Variants in SEMA6D observed in about 807,000 individuals in gnomAD.
SEMA6D encodes the protein semaphorin 6D.
In SEMA6D, 35 loss-of-function variants were observed where a neutral mutation model predicts 106.6. The observed-to-expected ratio is 0.33, with a 90% CI of 0.25 to 0.44. The LOEUF is 0.44. SEMA6D is among the 20% of genes least tolerant of loss of function. The pLI is 1.00. For synonymous variants in SEMA6D, 499 were observed against 487.7 expected, an observed-to-expected ratio of 1.02 and a Z score of -0.31; for missense variants, 1,185 against 1,345.9, an observed-to-expected ratio of 0.88 and a Z score of 1.87.
intron 1 of SEMA6D, among the ~76,000 whole-genome samples, chr15:47,756,487 A>C (rs934308176): frequency 6.6e-6 from 1 of 152,206 alleles, no homozygotes; most frequent in African/African-American, 2.4e-5. Flanking sequence ...GAGCCTATGA[A>C]GTAATAAAGA....
At chr15:47,624,924 G>A (rs2077174401) in intron 4 of SEMA6D, among the ~76,000 whole-genome samples, 2 of 152,088 alleles carry the variant, frequency 1.3e-5, no homozygotes, top group African/African-American at 4.8e-5. Flanking sequence ...ACTGGAGAAG[G>A]GAATTATTGT....
chr15:47,343,766 A>C (rs1266465162), intron 1 of SEMA6D, among the ~76,000 whole-genome samples: 1 of 152,184 alleles, frequency 6.6e-6, no homozygotes, highest in East Asian at 1.9e-4. Flanking sequence ...CTTTGGGTAT[A>C]TACCCAGTAA....
At chr15:47,200,556 T>C (rs949217840) in intron 1 of SEMA6D, among the ~76,000 whole-genome samples, 1 of 152,208 alleles carries the variant, frequency 6.6e-6, no homozygotes, top group Non-Finnish European at 1.5e-5. Context: ...TATTACTGTT[T>C]TATTCTAGTG....
chr15:47,256,461 AG>A, intron 1 of SEMA6D, among the ~76,000 whole-genome samples: 1 of 152,334 alleles, frequency 6.6e-6, no homozygotes, highest in South Asian at 2.1e-4. Context: ...TCTTTGGAGC[AG>A]TTACAATTTT....
chr15:47,641,085 G>A (rs1323403402), intron 4 of SEMA6D, among the ~76,000 whole-genome samples: 1 of 152,236 alleles, frequency 6.6e-6, no homozygotes, highest in East Asian at 1.9e-4. Flanking sequence ...AGGGGGAGGA[G>A]TTGTTCCATT....
At chr15:47,297,257 C>G (rs2035840848) in intron 1 of SEMA6D, among the ~76,000 whole-genome samples, 1 of 152,162 alleles carries the variant, frequency 6.6e-6, no homozygotes, top group Non-Finnish European at 1.5e-5. Flanking sequence ...TATGATTTCT[C>G]AATTGCTTTA....
chr15:47,639,203 G>C (rs1294397510), intron 4 of SEMA6D, among the ~76,000 whole-genome samples: 1 of 152,120 alleles, frequency 6.6e-6, no homozygotes, highest in Non-Finnish European at 1.5e-5. Flanking sequence ...GCATGAGCCT[G>C]GTGCATCTTG....
intron 4 of SEMA6D, among the ~76,000 whole-genome samples, chr15:47,654,668 T>A (rs2077757842): frequency 1.3e-5 from 2 of 152,318 alleles, no homozygotes; most frequent in African/African-American, 4.8e-5. Flanking sequence ...GCTCTCACTC[T>A]GAATTCCCAG....
At chr15:47,482,047 C>G (rs972785356) in intron 3 of SEMA6D, among the ~76,000 whole-genome samples, 15 of 152,092 alleles carry the variant, frequency 9.9e-5, no homozygotes, top group African/African-American at 3.4e-4. Context: ...GCAAGGAAAA[C>G]AGTCAGATTC....
intron 3 of SEMA6D, among the ~76,000 whole-genome samples, chr15:47,517,562 G>C (rs1208259327): frequency 6.6e-6 from 1 of 152,078 alleles, no homozygotes; most frequent in Non-Finnish European, 1.5e-5. Flanking sequence ...AAAAAACAAA[G>C]ATGTCATTTT....
chr15:47,710,021 C>G (rs1424545199), intron 4 of SEMA6D, among the ~76,000 whole-genome samples: 2 of 152,112 alleles, frequency 1.3e-5, no homozygotes, highest in East Asian at 3.9e-4. Context: ...AAATAAGTTC[C>G]TCTACTGCCC....
intron 1 of SEMA6D, among the ~76,000 whole-genome samples, chr15:47,759,112 A>G (rs2081927133): frequency 6.6e-6 from 1 of 152,094 alleles, no homozygotes; most frequent in Non-Finnish European, 1.5e-5. Context: ...TTATCATGAA[A>G]TCATTGTATT....
chr15:47,570,756 G>A (rs560568011), intron 3 of SEMA6D, among the ~76,000 whole-genome samples: 2 of 152,258 alleles, frequency 1.3e-5, no homozygotes, highest in South Asian at 2.1e-4. Flanking sequence ...ACAAATCAGG[G>A]TACTTTACAG....
intron 1 of SEMA6D, among the ~76,000 whole-genome samples, chr15:47,314,867 T>C (rs1261192356): frequency 0.027 from 1,229 of 45,192 alleles, 38 homozygotes; most frequent in African/African-American, 0.059. Flanking sequence ...TTTTTTTTTT[T>C]TTTTTTTTTT....
At chr15:47,186,662 C>G (rs1893597171) in intron 1 of SEMA6D, among the ~76,000 whole-genome samples, 1 of 152,070 alleles carries the variant, frequency 6.6e-6, no homozygotes, top group African/African-American at 2.4e-5. Flanking sequence ...CCATGTCCAA[C>G]TTAGTACAGG....
chr15:47,704,588 G>T (rs1160641022), intron 4 of SEMA6D, among the ~76,000 whole-genome samples: 5 of 152,026 alleles, frequency 3.3e-5, no homozygotes, highest in Admixed American at 3.3e-4. Flanking sequence ...GCATGTGCCT[G>T]TAGTCCCAGC....
intron 1 of SEMA6D, among the ~76,000 whole-genome samples, chr15:47,341,685 A>G (rs2037817323): frequency 6.6e-6 from 1 of 152,216 alleles, no homozygotes; most frequent in African/African-American, 2.4e-5. Context: ...TAGGATTGAA[A>G]GAATCTGTCT....
chr15:47,521,346 A>C (rs1050041818), intron 3 of SEMA6D, among the ~76,000 whole-genome samples: 1 of 152,106 alleles, frequency 6.6e-6, no homozygotes, highest in Non-Finnish European at 1.5e-5. Context: ...AATATTGCTC[A>C]AGGTTCAGGA....
rs117480223 is a variant in SEMA6D, at chr15:47,577,519, A to G, written c.-86-23346A>G. Among the ~76,000 whole-genome samples the G allele has an allele frequency of 8.6e-3, 1,317 of 152,362 alleles. 8 individuals are homozygous for G. The highest frequency in any genetic ancestry group is 0.021 in the Admixed American group (315 of 15,306). ...TTCAAGATGTGTTTTAAGCTGGGAC[A>G]TGAGCATCTCTAATTCAAGAGAAGA... On this transcript the variant is annotated intron_variant, in intron 3 of 19. Coordinates refer to the SEMA6D transcript ENST00000558014.
Sources: allele counts gnomAD v4.1 joint callset (sites outside exome capture counted in the v4.1 genomes callset), GRCh38; gene constraint gnomAD v4.1.1; transcripts MANE v1.5; gene names NCBI Gene and HGNC (gene_info 2026-07-23, HGNC 2026-07-21).